DDX23: variants seen among roughly 807,000 people sequenced by gnomAD.
The protein encoded by DDX23 is DEAD-box helicase 23.
A neutral mutation model predicts 102.7 loss-of-function variants in DDX23; 33 were observed. That is an observed-to-expected ratio of 0.32 (90% CI 0.24 to 0.43). DDX23 has a LOEUF of 0.43. Among genes scored for constraint, DDX23 ranks in the 20% least tolerant of loss-of-function variants. The probability of loss-of-function intolerance (pLI) is 1.00; values close to 1 mark genes in which losing one functional copy is unlikely to be tolerated. For missense variants in DDX23, 549 were observed against 1,086.6 expected (o/e 0.51, Z 6.96); for synonymous variants, 352 against 376.0 (o/e 0.94, Z 0.74).
rs558260201 is a variant in DDX23, at chr12:48,835,831, T to C, written c.1382+290A>G. Among the ~76,000 whole-genome samples, 276 of 151,904 alleles carry C rather than the reference T, an allele frequency of 1.8e-3. 1 individual carries two copies. The highest frequency in any genetic ancestry group is 3.3e-3 in the Non-Finnish European group (224 of 67,922). On this transcript the variant is annotated intron_variant, in intron 11 of 16. Transcript: ENST00000308025. ...ACCTGAACCTGGGAGGCAAAAGTTG[T>C]AGTGAGCTGAGATCGTGCCACTGCA...
intron 3 of DDX23, among the ~76,000 whole-genome samples, chr12:48,841,255 G>A (rs1259302159): frequency 2.6e-5 from 4 of 152,076 alleles, no homozygotes; most frequent in African/African-American, 7.2e-5. Flanking sequence ...GCATGGTGGC[G>A]CATGCCTGTA....
intron 1 of DDX23, among the ~76,000 whole-genome samples, chr12:48,850,801 C>A (rs779274670): frequency 2.6e-4 from 40 of 152,046 alleles, no homozygotes; most frequent in Non-Finnish European, 4.3e-4. Flanking sequence ...AGGGAAGTAA[C>A]CACTGAATTT....
Position 48,845,640 on chromosome 12 carries a change from C to G in DDX23, c.143G>C (p.Arg48Pro), listed in dbSNP as rs142222165. 3 of 1,614,110 alleles carry G rather than the reference C, an allele frequency of 1.9e-6. No individual in the cohort carries two copies. Among genetic ancestry groups the G allele is most frequent in the Non-Finnish European group, 2.5e-6 (3 of 1,180,048 alleles). The change falls in exon 2 of 17, where the codon CGT becomes CCT. Residue 48 changes from arginine (R) to proline (P), a missense_variant. By Grantham distance (103) the Arg-to-Pro change is moderately radical (BLOSUM62 -2). Transcript: ENST00000308025. ...GCCTCCTCGACGTCTATCCCTTGAA[C>G]GATGCCGCTTTCTATCTTTAGATGG... Reference protein sequence around the residue: ...SSPSKDRKRHRSRDRRRGGSR... With the variant: ...SSPSKDRKRHPSRDRRRGGSR...
At chr12:48,841,307 A>G (rs1347030715) in intron 3 of DDX23, among the ~76,000 whole-genome samples, 1 of 152,192 alleles carries the variant, frequency 6.6e-6, no homozygotes, top group African/African-American at 2.4e-5. Context: ...AATTGCCTGA[A>G]CCCAAGAGGC....
At chr12:48,842,289 G>A (rs1257011202) in intron 3 of DDX23, among the ~76,000 whole-genome samples, 2 of 135,814 alleles carry the variant, frequency 1.5e-5, no homozygotes, top group African/African-American at 5.6e-5. Flanking sequence ...TCAGCCCCCG[G>A]CCCGGCCAGC....
chr12:48,845,550 T>TA (rs1320814917), intron 2 of DDX23, 24 bp downstream of exon 2: 8 of 1,613,426 alleles, frequency 5.0e-6, no homozygotes, highest in Non-Finnish European at 6.8e-6. Flanking sequence ...CCTTCCCATG[T>TA]AATAACATAC....
chr12:48,834,237 G>T lies in DDX23; in HGVS notation c.1560+83C>A, dbSNP rs1938432073. On this transcript the variant is annotated intron_variant, in intron 12 of 16. Transcript: ENST00000308025. ...AACCAGCTCCTTTCTTCATACTACT[G>T]CACATATATTCCAGAAACTAGAAAC... 4.4e-6 allele frequency: 6 copies of T among 1,349,750 alleles called. No homozygotes were observed. In the Admixed American group the frequency reaches 1.3e-4, roughly 30 times the overall value. The allele number at this position is 1,349,750 out of a possible 1,614,324, so 83.6% of individuals were successfully genotyped here.
At chr12:48,843,816 G>A in intron 3 of DDX23, 124 bp downstream of exon 3, 2 of 986,048 alleles carry the variant, frequency 2.0e-6, no homozygotes, top group Non-Finnish European at 3.1e-6. Context: ...CCAAAGTGCT[G>A]GGATTACAGG....
chr12:48,840,136 ACT>A, intron 3 of DDX23, 30 bp from the exon 4 acceptor site: 1 of 1,561,046 alleles, frequency 6.4e-7, no homozygotes, highest in Non-Finnish European at 8.8e-7. Flanking sequence ...GGTCCACATC[ACT>A]CTTACTTCAG....
intron 15 of DDX23, 128 bp from the exon 16 acceptor site, chr12:48,831,444 CAAG>C (rs1479372864): frequency 4.6e-6 from 4 of 877,276 alleles, no homozygotes; most frequent in South Asian, 3.0e-5. Flanking sequence ...GGAAAGGAAA[CAAG>C]AGAATGATTG....
chr12:48,849,205 A>G (rs77260833), intron 1 of DDX23, among the ~76,000 whole-genome samples: 194 of 152,110 alleles, frequency 1.3e-3, no homozygotes, highest in African/African-American at 4.5e-3. Context: ...AGTTAAAAAC[A>G]TATTTGTTTG....
Position 48,830,422 on chromosome 12 carries a change from A to G in DDX23, c.*47T>C, listed in dbSNP as rs768671678. 26 of 1,601,766 alleles carry G rather than the reference A, an allele frequency of 1.6e-5. No individual in the cohort carries two copies. Among genetic ancestry groups the G allele is most frequent in the East Asian group, 2.2e-5 (1 of 44,844 alleles). On this transcript the variant is annotated 3_prime_UTR_variant, in exon 17 of 17. Coordinates refer to ENST00000308025, the MANE Select transcript of DDX23 (RefSeq NM_004818.3). The surrounding 1 kb of genome is among the most constrained non-coding windows in gnomAD (Gnocchi z 4.9). The stretch of plus-strand genomic sequence containing the variant: ...GATGTGAGGGTTCTGAAAAACAGGC[A>G]TCAGGCAGCTTTGGAGATGCCCTCA...
In DDX23 at chr12:48,844,971, G is replaced by T. The variant is rs548807808; in HGVS notation, c.209+603C>A. Reference sequence around the variant, plus strand: ...AGATTGAGATCAGCCTGACCAACGTGGAGAAACCCCGTCTCTACTAAAAGT... The same window carrying T: ...AGATTGAGATCAGCCTGACCAACGTTGAGAAACCCCGTCTCTACTAAAAGT... On this transcript the variant is annotated intron_variant, in intron 2 of 16. Coordinates refer to ENST00000308025, the MANE Select transcript of DDX23 (RefSeq NM_004818.3). 1.3e-5 allele frequency among the ~76,000 whole-genome samples: 2 copies of T among 151,402 alleles called. 1 individual carries two copies. The highest frequency in any genetic ancestry group is 4.2e-4 in the South Asian group (2 of 4,794).
At chr12:48,831,074 A>C in intron 16 of DDX23, 68 bp downstream of exon 16, 1 of 1,573,640 alleles carries the variant, frequency 6.4e-7, no homozygotes. Context: ...CAGCACCCTG[A>C]CTTCCAGTGG....
rs1938399017 is a variant in DDX23 at position 48,832,190 on chromosome 12, G to T, written c.1956-4C>A. The T allele has an allele frequency of 1.2e-6, 2 of 1,613,696 alleles. No homozygotes were observed. The highest frequency in any genetic ancestry group is 2.2e-5 in the South Asian group (2 of 91,080). The stretch of plus-strand genomic sequence containing the variant: ...CAAGATTGCCAGCAGCTTTTTCCTG[G>T]AAGGAAGAGGAGAAAAACAAGATGC... On this transcript the variant is annotated splice_region_variant and splice_polypyrimidine_tract_variant and intron_variant, in intron 14 of 16. Transcript: ENST00000308025. The surrounding 1 kb of genome is among the most constrained non-coding windows in gnomAD (Gnocchi z 4.4).
At chr12:48,831,008 G>A (rs1484734554) in intron 16 of DDX23, 134 bp downstream of exon 16, 5 of 1,030,456 alleles carry the variant, frequency 4.9e-6, no homozygotes, top group Admixed American at 1.9e-5. Flanking sequence ...TGCTTCTCAT[G>A]GGAGCAAGCA....
chr12:48,831,371 G>C (rs1002884614), intron 15 of DDX23, 55 bp from the exon 16 acceptor site: 1 of 1,557,932 alleles, frequency 6.4e-7, no homozygotes, highest in African/African-American at 1.4e-5. Flanking sequence ...GAGAGACACA[G>C]GAGTTCAGAG....
intron 1 of DDX23, among the ~76,000 whole-genome samples, chr12:48,848,106 A>G (rs1268471069): frequency 6.6e-6 from 1 of 152,204 alleles, no homozygotes; most frequent in Non-Finnish European, 1.5e-5. Flanking sequence ...TAACAGGGTG[A>G]AACCCCGTCT....
intron 3 of DDX23, among the ~76,000 whole-genome samples, chr12:48,842,482 C>A (rs1355120335): frequency 4.3e-5 from 6 of 138,088 alleles, no homozygotes; most frequent in African/African-American, 1.4e-4. Flanking sequence ...CCAGCCACCC[C>A]GTCCGGGAGG....
Sources: gnomAD v4.1 joint callset for allele counts (sites outside exome capture counted in the v4.1 genomes callset) on GRCh38, gnomAD v4.1.1 for gene constraint, Gnocchi (gnomAD v3.1) non-coding constraint, MANE v1.5 for transcripts, NCBI Gene and HGNC (gene_info 2026-07-23, HGNC 2026-07-21) for gene names.